The following WDR4 variants were observed in gnomAD, a reference collection of about 807,000 sequenced individuals.
The protein encoded by WDR4 is WDR4 tRNA N7-guanosine methyltransferase non-catalytic subunit.
In WDR4, 47 loss-of-function variants were observed where a neutral mutation model predicts 48.6. The ratio of observed to expected loss-of-function variants is 0.97; its 90% CI spans 0.77 to 1.23. WDR4 has a LOEUF of 1.23. WDR4 is among the 50% of genes most tolerant of loss of function. The pLI is 0.00. For synonymous variants in WDR4, 268 were observed against 230.0 expected (o/e 1.17, Z -1.49); for missense variants, 606 against 551.6 (o/e 1.10, Z -0.99).
chr21:42,883,146 G>A (rs1209404303), upstream of WDR4, among the ~76,000 whole-genome samples: 18 of 148,948 alleles, frequency 1.2e-4, no homozygotes, highest in Non-Finnish European at 1.8e-4. Flanking sequence ...GTGGTGGTGC[G>A]TGCCTGTAGT....
chr21:42,861,452 A>T (rs990645436), intron 5 of WDR4, among the ~76,000 whole-genome samples: 11 of 152,006 alleles, frequency 7.2e-5, no homozygotes, highest in African/African-American at 2.7e-4. Flanking sequence ...AAGGGTGAGA[A>T]GCGTGTTCCC....
At chr21:42,848,696 G>A (rs1381554507), downstream of WDR4, among the ~76,000 whole-genome samples, 1 of 87,668 alleles carries the variant, frequency 1.1e-5, no homozygotes, top group African/African-American at 4.8e-5. Context: ...GCACGATCAC[G>A]CGGCGCACAC....
rs371517453 is a variant in WDR4 at position 42,857,209 on chromosome 21, G to A, written c.628-1429C>T. 1.6e-4 allele frequency among the ~76,000 whole-genome samples: 25 copies of A among 152,202 alleles called. 1 individual carries two copies. In the South Asian group the frequency reaches 2.1e-3, roughly 13 times the overall value. ...AACGGAGCCGAGGGGCCCCTGTCTCGGGGATGCCAAATACTCACTGAGAAG... is the reference window on the plus strand; with the variant it reads ...AACGGAGCCGAGGGGCCCCTGTCTCAGGGATGCCAAATACTCACTGAGAAG... On this transcript the variant is annotated intron_variant, in intron 6 of 10. Transcript: ENST00000398208.
At chr21:42,869,827 T>C (rs1454331058) in intron 3 of WDR4, among the ~76,000 whole-genome samples, 1 of 151,824 alleles carries the variant, frequency 6.6e-6, no homozygotes, top group East Asian at 1.9e-4. Context: ...CTGGCCAACA[T>C]TGTGAAACCC....
intron 5 of WDR4, among the ~76,000 whole-genome samples, chr21:42,860,271 C>T (rs1409795396): frequency 6.6e-6 from 1 of 152,210 alleles, no homozygotes; most frequent in Non-Finnish European, 1.5e-5. Flanking sequence ...CCTGGCCAGA[C>T]AGCTGTCTCT....
intron 10 of WDR4, 120 bp downstream of exon 10, chr21:42,852,135 T>C: frequency 9.5e-7 from 1 of 1,057,886 alleles, no homozygotes; most frequent in African/African-American, 1.6e-5. Flanking sequence ...GGACACACGC[T>C]TACTCTCCCT....
chr21:42,886,694 C>T, the WDR4 span: 2 of 152,228 alleles, frequency 1.3e-5, no homozygotes, highest in African/African-American at 4.8e-5. Flanking sequence ...CATTGCCCGC[C>T]GAGCTTTACA....
At chr21:42,864,756 A>G (rs1244662632) in intron 3 of WDR4, among the ~76,000 whole-genome samples, 1 of 152,140 alleles carries the variant, frequency 6.6e-6, no homozygotes, top group Non-Finnish European at 1.5e-5. Flanking sequence ...TGGGGCTCTC[A>G]TTTCCACATC....
the WDR4 span, among the ~76,000 whole-genome samples, chr21:42,888,344 A>AGC: frequency 6.6e-6 from 1 of 152,138 alleles, no homozygotes; most frequent in African/African-American, 2.4e-5. Context: ...GTACTACTTG[A>AGC]GCTCAACAGT....
intron 3 of WDR4, 49 bp from the exon 4 acceptor site, chr21:42,863,645 G>A: frequency 6.4e-7 from 1 of 1,565,238 alleles, no homozygotes; most frequent in Non-Finnish European, 8.7e-7. Flanking sequence ...GCAGCGCAGG[G>A]TCCTCGACAG....
intron 3 of WDR4, among the ~76,000 whole-genome samples, chr21:42,867,314 C>T (rs749934934): frequency 1.4e-4 from 21 of 151,602 alleles, no homozygotes; most frequent in Non-Finnish European, 2.1e-4. Flanking sequence ...TCGCTTGAAC[C>T]CAGGAGGTGG....
chr21:42,874,843 G>A (rs1189990338), intron 2 of WDR4, among the ~76,000 whole-genome samples: 2 of 152,100 alleles, frequency 1.3e-5, no homozygotes, highest in East Asian at 3.9e-4. Flanking sequence ...CTGTGGTCCT[G>A]CGATCTCGCC....
chr21:42,862,226 G>T lies in WDR4; in HGVS notation c.566+56C>A. 2 of 1,483,608 alleles carry T rather than the reference G, an allele frequency of 1.3e-6. No individual in the cohort carries two copies. Among genetic ancestry groups the T allele is most frequent in the Non-Finnish European group, 1.8e-6 (2 of 1,093,630 alleles). 91.9% of individuals were successfully genotyped at this position (1,483,608 alleles called of 1,614,324 possible). On this transcript the variant is annotated intron_variant, in intron 5 of 10. Transcript: ENST00000398208. This position sits in a 1 kb window ranked among gnomAD's most constrained non-coding sequence, Gnocchi z 4.3. ...AACGGCACCTGCTGAGCCGCAAGCT[G>T]ACGCTGTTTTCAAACAGACCTTCTT...
chr21:42,853,404 G>A (rs1277430890), intron 9 of WDR4, among the ~76,000 whole-genome samples, 165 bp downstream of exon 9: 6 of 152,180 alleles, frequency 3.9e-5, no homozygotes, highest in South Asian at 4.1e-4. Flanking sequence ...CTTCACCCAC[G>A]GTGGAAGCCC....
chr21:42,853,790 C>G, intron 8 of WDR4, 38 bp from the exon 9 acceptor site: 1 of 1,530,214 alleles, frequency 6.5e-7, no homozygotes, highest in South Asian at 1.2e-5. Context: ...ACTAGGACTG[C>G]AGGCCCACGG....
intron 8 of WDR4, among the ~76,000 whole-genome samples, chr21:42,853,988 G>A (rs999304617): frequency 5.9e-5 from 9 of 152,148 alleles, no homozygotes; most frequent in African/African-American, 1.2e-4. Flanking sequence ...TAACCAGCAC[G>A]GTACAGGCAG....
the WDR4 span, among the ~76,000 whole-genome samples, chr21:42,886,368 C>G: frequency 7.4e-6 from 1 of 135,618 alleles, no homozygotes; most frequent in Non-Finnish European, 1.5e-5. Flanking sequence ...AGCGTATGCA[C>G]AAAATTTTAA....
the WDR4 span, among the ~76,000 whole-genome samples, chr21:42,888,317 G>T: frequency 2.4e-3 from 366 of 152,250 alleles, 1 homozygote; most frequent in African/African-American, 8.4e-3. Flanking sequence ...TCAGCACTTT[G>T]GGAGGCCAAG....
At position 42,850,119 on chromosome 21, in the gene WDR4, C is replaced by T. The variant is rs6586250; in HGVS notation, c.1169G>A (p.Arg390Gln). The T allele has an allele frequency of 0.18, 294,936 of 1,613,918 alleles. 30,380 individuals carry two copies. Among genetic ancestry groups the T allele is most frequent in the African/African-American group, 0.45 (33,519 of 74,988 alleles). Residue 390 changes from arginine (R) to glutamine (Q), a missense_variant, in exon 11 of 11, where the codon CGG (arginine) becomes CAG (glutamine). Transcript: ENST00000398208. ...QQQLEKKQRRRSPPPGPDGHA... is the reference protein window; with the variant it reads ...QQQLEKKQRRQSPPPGPDGHA... Reference sequence around the variant, plus strand: ...CCCGTCGGGCCCAGGCGGGGGACTCCGGCGCCGCTGCTTCTTCTCTAGCTG... The same window carrying T: ...CCCGTCGGGCCCAGGCGGGGGACTCTGGCGCCGCTGCTTCTTCTCTAGCTG...
Sources: gnomAD v4.1 joint callset for allele counts (sites outside exome capture counted in the v4.1 genomes callset) on GRCh38, gnomAD v4.1.1 for gene constraint, Gnocchi (gnomAD v3.1) non-coding constraint, MANE v1.5 for transcripts, NCBI Gene and HGNC (gene_info 2026-07-23, HGNC 2026-07-21) for gene names.